TRMT11: variants seen among roughly 807,000 people sequenced by gnomAD.
The protein encoded by TRMT11 is tRNA methyltransferase 11, also known as tRNA (guanine(10)-N(2))-methyltransferase TRMT11.
Under a neutral mutation model 62.8 loss-of-function variants are expected in TRMT11, and 53 were observed. That is an observed-to-expected ratio of 0.84 (90% confidence interval 0.68 to 1.06). TRMT11 has a LOEUF of 1.06. TRMT11 is among the 50% of genes least tolerant of loss of function. The pLI, the probability that TRMT11 is intolerant of heterozygous loss-of-function variation, is 0.00. For synonymous variants in TRMT11, 188 were observed against 190.3 expected, an observed-to-expected ratio of 0.99 and a Z score of 0.10; for missense variants, 556 against 553.4, an observed-to-expected ratio of 1.00 and a Z score of -0.05.
chr6:126,028,984 T>C (rs1209101991), intron 12 of TRMT11, among the ~76,000 whole-genome samples: 1 of 152,194 alleles, frequency 6.6e-6, no homozygotes, highest in Non-Finnish European at 1.5e-5. Flanking sequence ...GTTGAAAATA[T>C]AAATATAACT....
upstream of TRMT11, among the ~76,000 whole-genome samples, chr6:126,174,123 A>G (rs1778359165): frequency 6.6e-6 from 1 of 152,156 alleles, no homozygotes; most frequent in Non-Finnish European, 1.5e-5. Flanking sequence ...ACCTTTCTGC[A>G]GCCTCTCACT....
At position 126,198,348 on chromosome 6, in the gene TRMT11, T is replaced by C. The variant is rs1192020432; in HGVS notation, n.144-451T>C. On this transcript the variant is annotated intron_variant and non_coding_transcript_variant, in intron 1 of 3. Transcript: ENST00000444229. ...ACAAATTTGTCATTGTGTTTATTCT[T>C]GTATAGAATATATATAAGAGTGTTT... 3.3e-5 allele frequency among the ~76,000 whole-genome samples: 5 copies of C among 152,354 alleles called. No homozygotes were observed. In the East Asian group the frequency reaches 9.6e-4, roughly 29 times the overall value.
In TRMT11 at chr6:126,142,286, T is replaced by G. The variant is rs117290420; in HGVS notation, c.*1823+26431T>G. Among the ~76,000 whole-genome samples, 165 of 152,180 alleles carry G rather than the reference T, an allele frequency of 1.1e-3. 5 individuals carry two copies. In the East Asian group the frequency reaches 0.029, roughly 27 times the overall value. ...CTTTATAGAGCAAGGAGCAGACCTT[T>G]CAGCCCAACAATTCCACATCCTTGA... On this transcript the variant is annotated intron_variant and NMD_transcript_variant, in intron 21 of 22. Transcript: ENST00000648977.
chr6:126,128,915 A>ATTT (rs36071656), intron 21 of TRMT11, among the ~76,000 whole-genome samples: 24 of 130,466 alleles, frequency 1.8e-4, no homozygotes, highest in South Asian at 2.4e-4. Flanking sequence ...TTGTTTTCTG[A>ATTT]TTTTTTTTTT....
chr6:126,151,905 C>CTCTTTCTTTT (rs1778058033), intron 21 of TRMT11, among the ~76,000 whole-genome samples: 1 of 80,362 alleles, frequency 1.2e-5, no homozygotes, highest in Admixed American at 1.5e-4. Flanking sequence ...TCTTTCTTTT[C>CTCTTTCTTTT]TCTTTCTTTC....
chr6:126,028,019 G>A (rs1217237544), intron 12 of TRMT11, among the ~76,000 whole-genome samples: 1 of 152,044 alleles, frequency 6.6e-6, no homozygotes, highest in African/African-American at 2.4e-5. Flanking sequence ...CATAAACTCT[G>A]GTGTTTTGCT....
At chr6:126,164,574 G>A (rs1778235772) in intron 21 of TRMT11, among the ~76,000 whole-genome samples, 1 of 152,176 alleles carries the variant, frequency 6.6e-6, no homozygotes, top group South Asian at 2.1e-4. Context: ...TGACAGTGGA[G>A]TGTTAAATTC....
At chr6:126,165,318 T>C (rs1562338403) in intron 21 of TRMT11, among the ~76,000 whole-genome samples, 1 of 152,136 alleles carries the variant, frequency 6.6e-6, no homozygotes, top group East Asian at 1.9e-4. Context: ...TTTGATCCTG[T>C]CATTATGATG....
At chr6:126,029,484 C>T (rs1773799568) in intron 12 of TRMT11, among the ~76,000 whole-genome samples, 1 of 152,124 alleles carries the variant, frequency 6.6e-6, no homozygotes, top group Non-Finnish European at 1.5e-5. Context: ...CTATTGAATT[C>T]ATCCCTAAGC....
chr6:126,218,194 C>T, the TRMT11 span, among the ~76,000 whole-genome samples: 1 of 152,172 alleles, frequency 6.6e-6, no homozygotes, highest in Non-Finnish European at 1.5e-5. Flanking sequence ...CCCCAAGAAC[C>T]CAGTTGGTGC....
intron 17 of TRMT11, among the ~76,000 whole-genome samples, chr6:126,057,367 C>T (rs1776402189): frequency 6.6e-6 from 1 of 152,176 alleles, no homozygotes; most frequent in African/African-American, 2.4e-5. Context: ...AAAGTCAGTA[C>T]TTTTTGAAAA....
intron 1 of TRMT11, among the ~76,000 whole-genome samples, chr6:126,191,464 C>CTTTTTTTTTTTTT (rs77414207): frequency 1.6e-4 from 16 of 102,380 alleles, no homozygotes; most frequent in East Asian, 2.9e-4. Context: ...TCCTACTTGT[C>CTTTTTTTTTTTTT]TTTTTTTTTT....
At chr6:126,015,311 C>T (rs867749937) in intron 11 of TRMT11, among the ~76,000 whole-genome samples, 4 of 100,798 alleles carry the variant, frequency 4.0e-5, no homozygotes, top group African/African-American at 1.3e-4. Flanking sequence ...CTGCAAGCTC[C>T]GCCTTCCGGG....
chr6:126,197,217 G>A (rs1778677185), intron 1 of TRMT11, among the ~76,000 whole-genome samples: 1 of 152,108 alleles, frequency 6.6e-6, no homozygotes, highest in South Asian at 2.1e-4. Context: ...GCCAGTTATT[G>A]CTCCTTACCA....
At chr6:126,194,886 G>A (rs1229270761) in intron 1 of TRMT11, among the ~76,000 whole-genome samples, 1 of 152,120 alleles carries the variant, frequency 6.6e-6, no homozygotes, top group Non-Finnish European at 1.5e-5. Flanking sequence ...AGGCTGAGGA[G>A]GGAGGATTAC....
intron 21 of TRMT11, among the ~76,000 whole-genome samples, chr6:126,147,655 C>T (rs1427369987): frequency 1.3e-5 from 2 of 152,094 alleles, no homozygotes; most frequent in Admixed American, 6.5e-5. Flanking sequence ...CTCACTCTCC[C>T]TCATAGTCAC....
At chr6:125,999,063 A>T (rs1792065728) in intron 6 of TRMT11, among the ~76,000 whole-genome samples, 1 of 152,052 alleles carries the variant, frequency 6.6e-6, no homozygotes, top group Non-Finnish European at 1.5e-5. Context: ...TTCCATTCCA[A>T]AAGAAATGGA....
At chr6:125,998,756 C>G in intron 6 of TRMT11, 72 bp downstream of exon 6, 3 of 1,455,938 alleles carry the variant, frequency 2.1e-6, no homozygotes, top group Middle Eastern at 1.8e-4. Context: ...TTTGTTGACT[C>G]CTATGTAGAA....
intron 18 of TRMT11, among the ~76,000 whole-genome samples, chr6:126,114,147 C>T (rs1027720362): frequency 1.3e-5 from 2 of 152,102 alleles, no homozygotes; most frequent in African/African-American, 4.8e-5. Context: ...GCTTTTTGTA[C>T]ATCTGCACAC....
Sources: gnomAD v4.1 joint callset for allele counts (sites outside exome capture counted in the v4.1 genomes callset) on GRCh38, gnomAD v4.1.1 for gene constraint, MANE v1.5 for transcripts, NCBI Gene and HGNC (gene_info 2026-07-23, HGNC 2026-07-21) for gene names.